Variants in ARHGAP42 observed in about 807,000 individuals in gnomAD.
ARHGAP42 encodes the protein rho GTPase-activating protein 42.
Under a neutral mutation model 125.0 loss-of-function variants are expected in ARHGAP42, and 63 were observed. That is an observed-to-expected ratio of 0.50 (90% confidence interval 0.41 to 0.62). ARHGAP42 has a LOEUF of 0.62. Among genes scored for constraint, ARHGAP42 ranks in the 20% least tolerant of loss-of-function variants. The probability of loss-of-function intolerance (pLI) is 0.00; values close to 1 mark genes in which losing one functional copy is unlikely to be tolerated. For synonymous variants in ARHGAP42, 339 were observed against 351.0 expected (o/e 0.97, Z 0.38); for missense variants, 766 against 1,024.2 (o/e 0.75, Z 3.44).
chr11:100,921,076 G>A (rs1450505550), intron 5 of ARHGAP42, among the ~76,000 whole-genome samples: 3 of 150,290 alleles, frequency 2.0e-5, no homozygotes, highest in African/African-American at 7.3e-5. Flanking sequence ...TATATTTTTG[G>A]CAATGCAGTC....
chr11:100,880,085 G>A (rs1865920090), intron 4 of ARHGAP42, among the ~76,000 whole-genome samples: 1 of 152,160 alleles, frequency 6.6e-6, no homozygotes. Flanking sequence ...GAGCAACACA[G>A]TATAAATGTT....
intron 12 of ARHGAP42, among the ~76,000 whole-genome samples, chr11:100,957,317 A>C (rs1857829585): frequency 6.6e-6 from 1 of 152,064 alleles, no homozygotes; most frequent in Non-Finnish European, 1.5e-5. Context: ...AGGAAAAAAA[A>C]ACCTAGCATT....
In ARHGAP42 at chr11:100,874,208, T is replaced by C. The variant is rs556289938; in HGVS notation, c.384+14583T>C. ...AAACAGGAGAAGGAGTCTTACCTTA[T>C]AACAACCTGCTATTGTGGGAAGTAA... On this transcript the variant is annotated intron_variant, in intron 4 of 23. Transcript: ENST00000298815. Among the ~76,000 whole-genome samples, 3 of 152,260 alleles carry C rather than the reference T, an allele frequency of 2.0e-5. No individual in the cohort carries two copies. The South Asian group carries it at 6.2e-4, about 32-fold the overall frequency.
intron 1 of ARHGAP42, among the ~76,000 whole-genome samples, chr11:100,768,481 A>T (rs1346665676): frequency 6.6e-6 from 1 of 152,188 alleles, no homozygotes; most frequent in Non-Finnish European, 1.5e-5. Context: ...AGGCCTAGTC[A>T]AGAAGAGGGC....
intron 3 of ARHGAP42, among the ~76,000 whole-genome samples, chr11:100,855,545 A>G (rs1335276791): frequency 6.6e-6 from 1 of 152,102 alleles, no homozygotes; most frequent in Non-Finnish European, 1.5e-5. Flanking sequence ...ATAGAAAATT[A>G]TAATTCATGA....
At chr11:100,748,598 G>T (rs937113086) in intron 1 of ARHGAP42, among the ~76,000 whole-genome samples, 13 of 145,750 alleles carry the variant, frequency 8.9e-5, no homozygotes, top group Admixed American at 8.3e-4. Flanking sequence ...GGATAGTGCT[G>T]ACCTGATGAG....
chr11:100,909,409 G>A (rs1410298224), intron 4 of ARHGAP42, among the ~76,000 whole-genome samples: 1 of 148,784 alleles, frequency 6.7e-6, no homozygotes, highest in Admixed American at 6.8e-5. Context: ...GCAGTGGCGC[G>A]ATCTTGGCTC....
In ARHGAP42 at chr11:100,861,879, G is replaced by C. The variant is rs574464806; in HGVS notation, c.384+2254G>C. 7.9e-5 allele frequency among the ~76,000 whole-genome samples: 12 copies of C among 152,258 alleles called. No individual in the cohort carries two copies. In the South Asian group the frequency reaches 1.0e-3, roughly 13 times the overall value. ...TCTTCTAGGTGCTTATTAAAATCAT[G>C]GGAGTAGATTAGATCCCTTTGAGAA... On this transcript the variant is annotated intron_variant, in intron 4 of 23. Coordinates refer to ENST00000298815, the MANE Select transcript of ARHGAP42 (RefSeq NM_152432.4).
intron 4 of ARHGAP42, among the ~76,000 whole-genome samples, chr11:100,878,394 C>T (rs899247549): frequency 6.6e-6 from 1 of 152,146 alleles, no homozygotes; most frequent in Non-Finnish European, 1.5e-5. Flanking sequence ...TCTGCCGAGT[C>T]ACCCATTCTC....
intron 4 of ARHGAP42, among the ~76,000 whole-genome samples, chr11:100,901,941 A>T (rs562633215): frequency 2.0e-5 from 3 of 152,324 alleles, no homozygotes; most frequent in Admixed American, 2.0e-4. Flanking sequence ...ATCAGTCCCA[A>T]TGAGATGAAC....
At chr11:100,848,545 C>T (rs980491458) in intron 3 of ARHGAP42, among the ~76,000 whole-genome samples, 1 of 151,574 alleles carries the variant, frequency 6.6e-6, no homozygotes, top group Non-Finnish European at 1.5e-5. Flanking sequence ...GTACTGTCAC[C>T]CAGGCTGGAG....
At chr11:100,811,388 A>C (rs1864138137) in intron 3 of ARHGAP42, among the ~76,000 whole-genome samples, 1 of 152,242 alleles carries the variant, frequency 6.6e-6, no homozygotes, top group South Asian at 2.1e-4. Context: ...TTTATAAGGA[A>C]AAATGTAGGA....
chr11:100,870,963 A>G (rs1865681823), intron 4 of ARHGAP42, among the ~76,000 whole-genome samples: 1 of 147,402 alleles, frequency 6.8e-6, no homozygotes, highest in East Asian at 2.0e-4. Context: ...AAAAAAAAAA[A>G]GGATTTTCCA....
intron 3 of ARHGAP42, among the ~76,000 whole-genome samples, chr11:100,856,103 C>G (rs1865316668): frequency 6.6e-6 from 1 of 151,960 alleles, no homozygotes; most frequent in African/African-American, 2.4e-5. Flanking sequence ...GATTTTTCCC[C>G]CAAGTATTAC....
At chr11:100,901,459 G>A (rs1206577114) in intron 4 of ARHGAP42, among the ~76,000 whole-genome samples, 3 of 152,210 alleles carry the variant, frequency 2.0e-5, no homozygotes, top group African/African-American at 7.2e-5. Flanking sequence ...GTCAGATAGG[G>A]ACACTGAAGT....
chr11:100,873,473 A>G (rs1360810139), intron 4 of ARHGAP42, among the ~76,000 whole-genome samples: 1 of 152,168 alleles, frequency 6.6e-6, no homozygotes, highest in East Asian at 1.9e-4. Flanking sequence ...CCACGGTATG[A>G]GTAAATACCA....
chr11:100,914,961 A>G (rs1867025572), intron 5 of ARHGAP42, among the ~76,000 whole-genome samples: 1 of 152,260 alleles, frequency 6.6e-6, no homozygotes, highest in African/African-American at 2.4e-5. Flanking sequence ...TCTCATCGAC[A>G]GTATCAAATT....
rs549176947 is a variant in ARHGAP42, at chr11:100,828,979, C to T, written c.313-30575C>T. Among the ~76,000 whole-genome samples, 61 of 152,274 alleles carry T rather than the reference C, an allele frequency of 4.0e-4. 1 individual carries two copies. Among genetic ancestry groups the T allele is most frequent in the African/African-American group, 1.3e-3 (52 of 41,562 alleles). On this transcript the variant is annotated intron_variant, in intron 3 of 23. Coordinates refer to ENST00000298815, the MANE Select transcript of ARHGAP42 (RefSeq NM_152432.4). Reference sequence around the variant, plus strand: ...GTTTGGCTGCAAGTAATACAAAACACAATAGTGGCTTAAATCATTAATGAG... The same window carrying T: ...GTTTGGCTGCAAGTAATACAAAACATAATAGTGGCTTAAATCATTAATGAG...
intron 7 of ARHGAP42, among the ~76,000 whole-genome samples, chr11:100,935,677 C>CACACACAGAG (rs143859109): frequency 8.2e-5 from 12 of 146,712 alleles, no homozygotes; most frequent in South Asian, 4.4e-4. Flanking sequence ...CACACACACA[C>CACACACAGAG]AGAGAGAGAG....
Sources: allele counts gnomAD v4.1 joint callset (sites outside exome capture counted in the v4.1 genomes callset), GRCh38; gene constraint gnomAD v4.1.1; transcripts MANE v1.5; gene names NCBI Gene and HGNC (gene_info 2026-07-23, HGNC 2026-07-21).